The following CLASP2 variants were observed in gnomAD, a reference collection of about 807,000 sequenced individuals.
CLASP2 encodes CLIP-associating protein 2.
In CLASP2, 47 loss-of-function variants were observed where a neutral mutation model predicts 194.4. The ratio of observed to expected loss-of-function variants is 0.24; its 90% CI spans 0.19 to 0.31. The LOEUF is 0.31. Ranked by LOEUF, CLASP2 falls within the 10% of genes least tolerant of loss-of-function variation. The pLI is 1.00. For missense variants in CLASP2, 1,445 were observed against 1,823.6 expected (o/e 0.79, Z 3.78); for synonymous variants, 619 against 633.5 (o/e 0.98, Z 0.34).
chr3:33,543,584 T>C (rs1376938774), intron 31 of CLASP2, 45 bp from the exon 32 acceptor site: 3 of 1,243,596 alleles, frequency 2.4e-6, no homozygotes, highest in Non-Finnish European at 3.6e-6. Flanking sequence ...ACAGGTAAGT[T>C]CACTTAAAAA....
At chr3:33,535,923 G>GAAAAAAAAAAAAA (rs142158394) in intron 33 of CLASP2, among the ~76,000 whole-genome samples, 1 of 107,302 alleles carries the variant, frequency 9.3e-6, no homozygotes. Context: ...GCTTTAAGGA[G>GAAAAAAAAAAAAA]AAAAAAAAAA....
intron 36 of CLASP2, among the ~76,000 whole-genome samples, chr3:33,514,300 A>T (rs1206839174): frequency 6.7e-6 from 1 of 150,122 alleles, no homozygotes; most frequent in South Asian, 2.1e-4. Context: ...TTTTTTTTTT[A>T]AATGTTACCT....
intron 21 of CLASP2, among the ~76,000 whole-genome samples, chr3:33,585,299 C>T (rs770135215): frequency 2.0e-5 from 3 of 152,160 alleles, no homozygotes; most frequent in Non-Finnish European, 2.9e-5. Context: ...AAGCTATATA[C>T]AGTCATATGT....
At chr3:33,589,242 C>A (rs2068106982) in intron 21 of CLASP2, among the ~76,000 whole-genome samples, 1 of 151,984 alleles carries the variant, frequency 6.6e-6, no homozygotes, top group Non-Finnish European at 1.5e-5. Flanking sequence ...TACAACCAGC[C>A]ACTACCAACA....
chr3:33,541,790 A>G (rs2058408949), intron 32 of CLASP2, among the ~76,000 whole-genome samples: 1 of 152,208 alleles, frequency 6.6e-6, no homozygotes, highest in African/African-American at 2.4e-5. Context: ...ACAGTGCTGC[A>G]GTGCACATAC....
Position 33,701,069 on chromosome 3 carries a change from A to G in CLASP2, c.196-4136T>C, listed in dbSNP as rs576463429. On this transcript the variant is annotated intron_variant, in intron 1 of 38. Transcript: ENST00000682230. ...ATGGTATATACACACATACACATAC[A>G]TATATACACCAAGTTCATGAATTGG... Among the ~76,000 whole-genome samples, 3 of 152,346 alleles carry G rather than the reference A, an allele frequency of 2.0e-5. No individual in the cohort carries two copies. In the South Asian group the frequency reaches 6.2e-4, roughly 32 times the overall value.
At chr3:33,548,163 G>C (rs1172780746) in intron 30 of CLASP2, among the ~76,000 whole-genome samples, 1 of 151,404 alleles carries the variant, frequency 6.6e-6, no homozygotes, top group Non-Finnish European at 1.5e-5. Flanking sequence ...TTGGTAGTTT[G>C]TATTTTTCTA....
chr3:33,689,673 G>C (rs986858696), intron 3 of CLASP2, 156 bp downstream of exon 3: 2 of 474,624 alleles, frequency 4.2e-6, no homozygotes, highest in South Asian at 5.4e-5. Context: ...CAAAAAACCA[G>C]AAAGTCAAAC....
At chr3:33,559,261 A>T in intron 29 of CLASP2, 46 bp downstream of exon 29, 1 of 1,101,332 alleles carries the variant, frequency 9.1e-7, no homozygotes, top group Non-Finnish European at 1.3e-6. Context: ...TTATTAATAA[A>T]TACTTCAATT....
intron 17 of CLASP2, 129 bp from the exon 18 acceptor site, chr3:33,603,254 A>G (rs2072788447): frequency 4.4e-6 from 4 of 905,220 alleles, no homozygotes; most frequent in Non-Finnish European, 6.5e-6. Flanking sequence ...CCAAATGGAC[A>G]GTACTATTAA....
chr3:33,515,819 C>G (rs985257839), intron 36 of CLASP2, among the ~76,000 whole-genome samples: 2 of 152,114 alleles, frequency 1.3e-5, no homozygotes, highest in Non-Finnish European at 2.9e-5. Flanking sequence ...TTTCCTAGAG[C>G]TGGCCTGTTT....
intron 7 of CLASP2, among the ~76,000 whole-genome samples, chr3:33,654,032 CAA>C (rs11456253): frequency 1.6e-4 from 19 of 118,610 alleles, no homozygotes; most frequent in Non-Finnish European, 2.2e-4. Context: ...TCTGAACTGT[CAA>C]AAAAAAAAAA....
At chr3:33,647,182 T>C (rs1015546905) in intron 7 of CLASP2, among the ~76,000 whole-genome samples, 5 of 152,106 alleles carry the variant, frequency 3.3e-5, no homozygotes, top group Admixed American at 6.5e-5. Flanking sequence ...ACTGAGGAAG[T>C]AGTAAACACA....
intron 1 of CLASP2, among the ~76,000 whole-genome samples, chr3:33,697,368 T>A (rs1269963842): frequency 6.6e-6 from 1 of 152,216 alleles, no homozygotes. Flanking sequence ...CTATTGCTCC[T>A]AGGCTACTAC....
chr3:33,531,546 A>T (rs1409047585), intron 34 of CLASP2, among the ~76,000 whole-genome samples: 2 of 152,132 alleles, frequency 1.3e-5, no homozygotes, highest in Non-Finnish European at 2.9e-5. Flanking sequence ...GAGGCCGAGG[A>T]GGGTGGATCA....
At position 33,666,968 on chromosome 3, in the gene CLASP2, G is replaced by A. The variant is rs138062673; in HGVS notation, c.645-3453C>T. On this transcript the variant is annotated intron_variant, in intron 6 of 38. Transcript: ENST00000682230. ...TGTATTTCCCTCATGGTTAAATGGT[G>A]TTAAACATCTTTCTATGTGCTATTG... 4.7e-3 allele frequency among the ~76,000 whole-genome samples: 712 copies of A among 152,226 alleles called. 2 individuals carry two copies. Among genetic ancestry groups the A allele is most frequent in the Non-Finnish European group, 7.4e-3 (505 of 68,012 alleles).
At chr3:33,504,473 C>T (rs1048623221) in intron 37 of CLASP2, 2 of 152,182 alleles carry the variant, frequency 1.3e-5, no homozygotes, top group Non-Finnish European at 2.9e-5. Flanking sequence ...CAAACTCTCC[C>T]AGTCTTTGCA....
chr3:33,597,954 T>C (rs571674359), intron 18 of CLASP2, among the ~76,000 whole-genome samples: 2 of 151,978 alleles, frequency 1.3e-5, no homozygotes, highest in Non-Finnish European at 2.9e-5. Context: ...GGTTTCACCA[T>C]GTTGGCCAGG....
intron 2 of CLASP2, among the ~76,000 whole-genome samples, chr3:33,691,645 T>C (rs1182144154): frequency 6.6e-6 from 1 of 152,166 alleles, no homozygotes; most frequent in Non-Finnish European, 1.5e-5. Context: ...TCAACATCTA[T>C]AAGGTTGGCC....
Sources: allele counts gnomAD v4.1 joint callset (sites outside exome capture counted in the v4.1 genomes callset), GRCh38; gene constraint gnomAD v4.1.1; transcripts MANE v1.5; gene names NCBI Gene and HGNC (gene_info 2026-07-23, HGNC 2026-07-21).